ZNF320: variants seen among roughly 807,000 people sequenced by gnomAD.
ZNF320 encodes zinc finger gene 320.
In ZNF320, 2 loss-of-function variants were observed where a neutral mutation model predicts 6.8. The ratio of observed to expected loss-of-function variants is 0.29; its 90% CI spans 0.12 to 0.93. The LOEUF (loss-of-function observed/expected upper bound fraction) is 0.93, where lower values mean the gene tolerates loss of function less well. Among genes scored for constraint, ZNF320 ranks in the 40% least tolerant of loss-of-function variants. ZNF320 has a pLI of 0.55. For missense variants in ZNF320, 472 were observed against 611.0 expected (o/e 0.77, Z 2.40); for synonymous variants, 208 against 203.2 (o/e 1.02, Z -0.20).
chr19:52,890,800 T>C (rs763039702), intron 3 of ZNF320, among the ~76,000 whole-genome samples: 1 of 151,936 alleles, frequency 6.6e-6, no homozygotes, highest in Non-Finnish European at 1.5e-5. Flanking sequence ...GGATCACTTG[T>C]GCTCAAGAGT....
intron 5 of ZNF320, among the ~76,000 whole-genome samples, chr19:52,883,071 T>C (rs1447507173): frequency 6.6e-6 from 1 of 152,176 alleles, no homozygotes; most frequent in East Asian, 1.9e-4. Flanking sequence ...AGATGGAGTC[T>C]CACTCTGTCA....
exon 6 of ZNF320, chr19:52,862,696 A>G: frequency 1.8e-6 from 1 of 564,452 alleles, no homozygotes; most frequent in Non-Finnish European, 3.1e-6. Flanking sequence ...TGTGAATTTC[A>G]GTATGTTCTG....
rs532041528 is a variant in ZNF320, at chr19:52,878,203, T to C, written c.*2393A>G. ...CTTTGACAGTTGTACCTATAAAACT[T>C]ATGTGGATGGTCTGCCTGCCACTCT... On this transcript the variant is annotated 3_prime_UTR_variant, in exon 6 of 6. Coordinates refer to ENST00000682928, the MANE Select transcript of ZNF320 (RefSeq NM_001351774.2). 18 of 183,706 alleles carry C rather than the reference T, an allele frequency of 9.8e-5. No homozygotes were observed. The South Asian group carries it at 2.1e-3, about 21-fold the overall frequency. 11.4% of individuals were successfully genotyped at this position (183,706 alleles called of 1,614,324 possible).
chr19:52,862,401 C>A, exon 6 of ZNF320: 1 of 457,276 alleles, frequency 2.2e-6, no homozygotes. Flanking sequence ...CTGTGATTTA[C>A]GACTGAAAAC....
upstream of ZNF320, among the ~76,000 whole-genome samples, chr19:52,898,233 C>T (rs1309092547): frequency 1.3e-5 from 2 of 152,170 alleles, no homozygotes; most frequent in African/African-American, 4.8e-5. Flanking sequence ...GAGAATCCAC[C>T]CTGTGCTCAG....
At chr19:52,871,975 C>T (rs1398133743), downstream of ZNF320, among the ~76,000 whole-genome samples, 1 of 152,200 alleles carries the variant, frequency 6.6e-6, no homozygotes, top group Non-Finnish European at 1.5e-5. Flanking sequence ...CCTTCGTCTT[C>T]ATTACTGTTT....
chr19:52,898,568 TGTAGAA>T (rs1372602099), upstream of ZNF320, among the ~76,000 whole-genome samples: 1 of 152,216 alleles, frequency 6.6e-6, no homozygotes, highest in African/African-American at 2.4e-5. Flanking sequence ...GACACTGAGT[TGTAGAA>T]GGAAGGGCTT....
intron 4 of ZNF320, among the ~76,000 whole-genome samples, chr19:52,888,715 C>T (rs2064186603): frequency 6.6e-6 from 1 of 151,954 alleles, no homozygotes; most frequent in African/African-American, 2.4e-5. Context: ...AAAACCTACA[C>T]AGACTGAAAA....
rs1333351451 is a variant in ZNF320, at chr19:52,880,442, C to G, written c.*154G>C. On this transcript the variant is annotated 3_prime_UTR_variant, in exon 6 of 6. Transcript: ENST00000682928. ...TCTCAAATTCATGACCTCAAGTGAC[C>G]TACCTGTCTTGGCCTCTCAAAGTGC... 3.0e-6 allele frequency: 2 copies of G among 675,274 alleles called. No homozygotes were observed. The highest frequency in any genetic ancestry group is 4.7e-6 in the Non-Finnish European group (2 of 421,984). The allele number at this position is 675,274 out of a possible 1,614,324, so 41.8% of individuals were successfully genotyped here. A position where few individuals can be genotyped will look rare whatever the true frequency, so the allele number is the denominator to read the frequency against.
At position 52,880,319 on chromosome 19, in the gene ZNF320, A is replaced by T; in HGVS notation, c.*277T>A. On this transcript the variant is annotated 3_prime_UTR_variant, in exon 6 of 6. Coordinates refer to ENST00000682928, the MANE Select transcript of ZNF320 (RefSeq NM_001351774.2). ...ACCGAGATCACATCACTGCACTCCAACGTGGGCGACAGAGCAAGATTCCAT... is the reference window on the plus strand; with the variant it reads ...ACCGAGATCACATCACTGCACTCCATCGTGGGCGACAGAGCAAGATTCCAT... 3.3e-6 allele frequency: 1 copy of T among 304,968 alleles called. No homozygotes were observed. Among genetic ancestry groups the T allele is most frequent in the East Asian group, 6.3e-5 (1 of 15,774 alleles). 18.9% of individuals were successfully genotyped at this position (304,968 alleles called of 1,614,324 possible).
At chr19:52,883,978 C>T (rs2064000862) in intron 5 of ZNF320, among the ~76,000 whole-genome samples, 1 of 152,158 alleles carries the variant, frequency 6.6e-6, no homozygotes, top group Non-Finnish European at 1.5e-5. Flanking sequence ...GATGTTCCTG[C>T]AGATGCAGAC....
At chr19:52,892,361 T>G (rs558447155) in intron 2 of ZNF320, 28 of 152,366 alleles carry the variant, frequency 1.8e-4, no homozygotes, top group African/African-American at 6.7e-4. Flanking sequence ...AGTGAAACTG[T>G]GTCTCAAAAA....
chr19:52,886,994 G>GAAGGAAGGAAGC (rs2064105178), intron 5 of ZNF320, among the ~76,000 whole-genome samples: 1 of 79,686 alleles, frequency 1.3e-5, no homozygotes, highest in Non-Finnish European at 2.9e-5. Flanking sequence ...AGGAAGGAAG[G>GAAGGAAGGAAGC]AAGGAAGGAA....
chr19:52,883,403 A>G (rs2063982041), intron 5 of ZNF320, among the ~76,000 whole-genome samples: 2 of 152,130 alleles, frequency 1.3e-5, no homozygotes, highest in African/African-American at 4.8e-5. Flanking sequence ...GTTATATTGA[A>G]TACCACATAC....
chr19:52,860,526 G>A (rs1448946782), downstream of ZNF320, among the ~76,000 whole-genome samples: 1 of 151,276 alleles, frequency 6.6e-6, no homozygotes, highest in Non-Finnish European at 1.5e-5. Flanking sequence ...TTGAACTTGG[G>A]AGGCGGGGGT....
upstream of ZNF320, among the ~76,000 whole-genome samples, chr19:52,900,232 T>C (rs181254878): frequency 2.6e-5 from 4 of 152,354 alleles, no homozygotes; most frequent in Non-Finnish European, 5.9e-5. Flanking sequence ...GATTTCTTTT[T>C]GTGTAACTGG....
chr19:52,868,009 T>G (rs2063608613), intron 5 of ZNF320, among the ~76,000 whole-genome samples: 1 of 152,010 alleles, frequency 6.6e-6, no homozygotes, highest in South Asian at 2.1e-4. Flanking sequence ...CCTCCCAAAG[T>G]GCTGGGATTA....
downstream of ZNF320, among the ~76,000 whole-genome samples, chr19:52,874,643 T>C (rs1197814223): frequency 6.6e-6 from 1 of 152,078 alleles, no homozygotes; most frequent in Non-Finnish European, 1.5e-5. Flanking sequence ...ACTTGGGGAC[T>C]TTTTCCCACC....
chr19:52,891,165 A>C (rs2064277288), intron 3 of ZNF320, 64 bp downstream of exon 3: 1 of 152,000 alleles, frequency 6.6e-6, no homozygotes, highest in African/African-American at 2.4e-5. Flanking sequence ...AAACAAAATA[A>C]AATAAAATAA....
Sources: gnomAD v4.1 joint callset for allele counts (sites outside exome capture counted in the v4.1 genomes callset) on GRCh38, gnomAD v4.1.1 for gene constraint, MANE v1.5 for transcripts, NCBI Gene and HGNC (gene_info 2026-07-23, HGNC 2026-07-21) for gene names.